The following SHANK2 variants were observed in gnomAD, a reference collection of about 807,000 sequenced individuals.
SHANK2 encodes SH3 and multiple ankyrin repeat domains 2.
Under a neutral mutation model 133.7 loss-of-function variants are expected in SHANK2, and 43 were observed. The observed-to-expected ratio is 0.32, with a 90% CI of 0.25 to 0.41. The LOEUF (loss-of-function observed/expected upper bound fraction) is 0.41. SHANK2 is among the 10% of genes least tolerant of loss of function. SHANK2 has a pLI of 1.00. For synonymous variants in SHANK2, 1,017 were observed against 952.8 expected, an observed-to-expected ratio of 1.07 and a Z score of -1.24; for missense variants, 1,994 against 2,235.8, an observed-to-expected ratio of 0.89 and a Z score of 2.18.
chr11:70,481,874 G>A (rs557517035), intron 25 of SHANK2, among the ~76,000 whole-genome samples: 14 of 152,376 alleles, frequency 9.2e-5, no homozygotes, highest in African/African-American at 3.1e-4. Context: ...CCCAGCAAAG[G>A]AGACATGCTG....
At chr11:71,092,996 T>C (rs1951543893) in intron 7 of SHANK2, among the ~76,000 whole-genome samples, 1 of 129,920 alleles carries the variant, frequency 7.7e-6, no homozygotes, top group South Asian at 2.7e-4. Flanking sequence ...GATCCAAGAT[T>C]GCACCATTGC....
chr11:70,502,719 C>T lies in SHANK2; in HGVS notation c.2197+77G>A, dbSNP rs1463711924. The T allele has an allele frequency of 3.0e-5, 40 of 1,346,736 alleles. 3 individuals carry two copies. In the South Asian group the frequency reaches 4.7e-4, roughly 16 times the overall value. The allele number at this position is 1,346,736 out of a possible 1,614,324, so 83.4% of individuals were successfully genotyped here. The stretch of plus-strand genomic sequence containing the variant: ...CAGCTGGAGAGAGGGCCCACTGCCC[C>T]CCAGCTGTCCTGCCCGCCCCCACCC... On this transcript the variant is annotated intron_variant, in intron 18 of 25. Transcript: ENST00000601538.
At chr11:70,603,260 T>C (rs1259995516) in intron 17 of SHANK2, 3 of 152,324 alleles carry the variant, frequency 2.0e-5, no homozygotes, top group African/African-American at 7.2e-5. Flanking sequence ...CAGATGGCAG[T>C]TGAGCCCGAG....
chr11:71,179,253 C>T (rs1307190686), intron 2 of SHANK2, among the ~76,000 whole-genome samples: 3 of 152,156 alleles, frequency 2.0e-5, no homozygotes, highest in Admixed American at 6.5e-5. Flanking sequence ...TGATCAGGAA[C>T]TGATCAAATT....
At chr11:70,834,163 C>T (rs1414824817) in intron 11 of SHANK2, among the ~76,000 whole-genome samples, 1 of 152,228 alleles carries the variant, frequency 6.6e-6, no homozygotes, top group Non-Finnish European at 1.5e-5. Flanking sequence ...AAGGCTCCAC[C>T]CCATATTTCA....
At chr11:70,687,490 G>A (rs1377916030) in intron 15 of SHANK2, among the ~76,000 whole-genome samples, 2 of 151,956 alleles carry the variant, frequency 1.3e-5, no homozygotes, top group Admixed American at 1.3e-4. Context: ...TGGCAGCTCG[G>A]AATGGGCCAT....
intron 17 of SHANK2, among the ~76,000 whole-genome samples, chr11:70,524,863 C>T (rs1263902906): frequency 6.6e-6 from 1 of 152,272 alleles, no homozygotes; most frequent in African/African-American, 2.4e-5. Context: ...CTCACCATCT[C>T]ATGCACACAT....
intron 17 of SHANK2, among the ~76,000 whole-genome samples, chr11:70,575,212 T>C (rs2060100837): frequency 6.6e-6 from 1 of 152,140 alleles, no homozygotes; most frequent in African/African-American, 2.4e-5. Context: ...CAACGGTGAC[T>C]GTCAAAGTAC....
rs146951261 is a variant in SHANK2 at position 70,910,862 on chromosome 11, C to T, written c.1108-14295G>A. On this transcript the variant is annotated intron_variant, in intron 10 of 25. Coordinates refer to ENST00000601538, the MANE Select transcript of SHANK2 (RefSeq NM_012309.5). ...TGATGAAAATCAATACACTGCCAAA[C>T]TGGATAACACAATTGTTTACATGTT... is the stretch of plus-strand genomic sequence containing the variant. Among the ~76,000 whole-genome samples, 28 of 151,668 alleles carry T rather than the reference C, an allele frequency of 1.8e-4. No homozygotes were observed. In the East Asian group the frequency reaches 5.2e-3, roughly 28 times the overall value.
intron 2 of SHANK2, among the ~76,000 whole-genome samples, chr11:71,195,582 T>G (rs1157405927): frequency 2.0e-5 from 3 of 152,214 alleles, no homozygotes; most frequent in African/African-American, 7.2e-5. Context: ...ATTATTTACA[T>G]ACCCGAAACA....
At chr11:70,876,607 A>G (rs924950124) in intron 11 of SHANK2, among the ~76,000 whole-genome samples, 17 of 150,368 alleles carry the variant, frequency 1.1e-4, no homozygotes, top group South Asian at 8.3e-4. Context: ...ACACACACAC[A>G]CACGCACACA....
chr11:70,846,969 G>A (rs1316233854), intron 11 of SHANK2, among the ~76,000 whole-genome samples: 1 of 152,200 alleles, frequency 6.6e-6, no homozygotes, highest in Admixed American at 6.5e-5. Context: ...CTGCCACGGG[G>A]ACTGGCTGCT....
chr11:70,651,154 C>T (rs928438909), intron 17 of SHANK2, among the ~76,000 whole-genome samples: 2 of 152,216 alleles, frequency 1.3e-5, no homozygotes, highest in Non-Finnish European at 2.9e-5. Flanking sequence ...CTGCCTCTCT[C>T]CAACCCTGTG....
In SHANK2 at chr11:71,244,137, C is replaced by T. The variant is rs145864536; in HGVS notation, c.-113+8288G>A. Among the ~76,000 whole-genome samples the T allele has an allele frequency of 2.4e-4, 36 of 152,322 alleles. 1 individual carries two copies. The East Asian group carries it at 6.4e-3, about 27-fold the overall frequency. The stretch of plus-strand genomic sequence containing the variant: ...TGTCTACACTTGCAAGCCTGCCTCA[C>T]TCTATAAATTGGCCAGGCTGCTCTC... On this transcript the variant is annotated intron_variant, in intron 1 of 25. Coordinates refer to ENST00000601538, the MANE Select transcript of SHANK2 (RefSeq NM_012309.5).
intron 2 of SHANK2, among the ~76,000 whole-genome samples, chr11:71,195,459 A>G (rs565910016): frequency 1.6e-4 from 25 of 152,348 alleles, no homozygotes; most frequent in African/African-American, 4.8e-4. Context: ...TGAATGATTG[A>G]TGGAGACATG....
chr11:70,945,967 T>TCC (rs1197059459), intron 10 of SHANK2, among the ~76,000 whole-genome samples: 34 of 151,368 alleles, frequency 2.2e-4, no homozygotes, highest in African/African-American at 8.3e-4. Flanking sequence ...AACCAACCCT[T>TCC]CCCAGGCTCT....
intron 15 of SHANK2, among the ~76,000 whole-genome samples, chr11:70,672,049 ACTTTT>A (rs1331494071): frequency 7.2e-5 from 10 of 139,812 alleles, no homozygotes; most frequent in Non-Finnish European, 1.1e-4. Context: ...TCCCCACCAT[ACTTTT>A]CTTTTCTTTT....
intron 14 of SHANK2, among the ~76,000 whole-genome samples, chr11:70,738,303 C>T (rs1305112098): frequency 6.6e-6 from 1 of 152,276 alleles, no homozygotes; most frequent in Non-Finnish European, 1.5e-5. Context: ...CTCCCATCAA[C>T]AATGTGCAGG....
intron 10 of SHANK2, among the ~76,000 whole-genome samples, chr11:70,949,120 T>C (rs1453832620): frequency 6.6e-6 from 1 of 152,062 alleles, no homozygotes; most frequent in Non-Finnish European, 1.5e-5. Context: ...ATACACTGGA[T>C]AAACACACCA....
Sources: allele counts gnomAD v4.1 joint callset (sites outside exome capture counted in the v4.1 genomes callset), GRCh38; gene constraint gnomAD v4.1.1; transcripts MANE v1.5; gene names NCBI Gene and HGNC (gene_info 2026-07-23, HGNC 2026-07-21).